The following MGAT4C variants were observed in gnomAD, a reference collection of about 807,000 sequenced individuals.
The protein encoded by MGAT4C is alpha-1,3-mannosyl-glycoprotein 4-beta-N-acetylglucosaminyltransferase C.
A neutral mutation model predicts 40.1 loss-of-function variants in MGAT4C; 19 were observed. The observed-to-expected ratio is 0.47, with a 90% CI of 0.33 to 0.70. The LOEUF is 0.70. Among genes scored for constraint, MGAT4C ranks in the 30% least tolerant of loss-of-function variants. The pLI is 0.02. For synonymous variants in MGAT4C, 181 were observed against 187.1 expected (o/e 0.97, Z 0.27); for missense variants, 491 against 563.2 (o/e 0.87, Z 1.30).
At chr12:86,207,654 G>A (rs904273273) in intron 1 of MGAT4C, among the ~76,000 whole-genome samples, 3 of 152,222 alleles carry the variant, frequency 2.0e-5, no homozygotes, top group African/African-American at 7.2e-5. Context: ...ATTCGATTAT[G>A]AGTACTATAA....
chr12:86,154,398 C>T (rs958280025), intron 1 of MGAT4C, among the ~76,000 whole-genome samples: 1 of 152,108 alleles, frequency 6.6e-6, no homozygotes, highest in African/African-American at 2.4e-5. Context: ...GAGTGGGCTG[C>T]CTTTCAGGGT....
intron 1 of MGAT4C, among the ~76,000 whole-genome samples, chr12:86,184,925 A>G (rs1196933015): frequency 6.6e-6 from 1 of 152,128 alleles, no homozygotes; most frequent in Non-Finnish European, 1.5e-5. Context: ...AGCCTACGTC[A>G]ACATAACAGA....
At position 86,788,905 on chromosome 12, in the gene MGAT4C, T is replaced by C. The variant is rs1708223504; in HGVS notation, c.-262+49761A>G. On this transcript the variant is annotated intron_variant, in intron 1 of 7. Coordinates refer to the MGAT4C transcript ENST00000548651. The stretch of plus-strand genomic sequence containing the variant: ...AAGTTTCTCATACTTTTGTAGCCAA[T>C]GTATAAAATCAACAATTTACATTGA... Among the ~76,000 whole-genome samples, 3 of 152,144 alleles carry C rather than the reference T, an allele frequency of 2.0e-5. No individual in the cohort carries two copies. The South Asian group carries it at 6.2e-4, about 31-fold the overall frequency.
intron 2 of MGAT4C, among the ~76,000 whole-genome samples, chr12:86,640,133 T>C (rs1963337179): frequency 6.6e-6 from 1 of 151,738 alleles, no homozygotes; most frequent in Non-Finnish European, 1.5e-5. Flanking sequence ...ACCCCATAAA[T>C]ATATCTAAGA....
intron 2 of MGAT4C, among the ~76,000 whole-genome samples, chr12:86,689,325 C>G (rs956274103): frequency 6.6e-6 from 1 of 152,138 alleles, no homozygotes; most frequent in Non-Finnish European, 1.5e-5. Flanking sequence ...TATTACCCAC[C>G]TTCTGAAGAC....
At chr12:86,360,028 A>G (rs1955423620) in intron 3 of MGAT4C, among the ~76,000 whole-genome samples, 1 of 152,130 alleles carries the variant, frequency 6.6e-6, no homozygotes. Context: ...ACACAACAAC[A>G]ACAAAAAAGA....
intron 2 of MGAT4C, among the ~76,000 whole-genome samples, chr12:86,651,891 A>G (rs1348407626): frequency 1.3e-5 from 2 of 151,864 alleles, no homozygotes; most frequent in Non-Finnish European, 2.9e-5. Context: ...ATTATTTTTA[A>G]TTAGAAACAA....
chr12:86,585,276 A>G (rs1280023692), intron 2 of MGAT4C, among the ~76,000 whole-genome samples: 1 of 151,444 alleles, frequency 6.6e-6, no homozygotes, highest in African/African-American at 2.4e-5. Flanking sequence ...ACTTATTTGT[A>G]GGACTGGAAA....
intron 4 of MGAT4C, among the ~76,000 whole-genome samples, chr12:86,278,932 C>A (rs1375482628): frequency 9.6e-6 from 1 of 104,164 alleles, no homozygotes; most frequent in South Asian, 3.6e-4. Flanking sequence ...TTGAAATTAT[C>A]ATATAGGTTT....
Position 85,975,642 on chromosome 12 carries a change from A to C in MGAT4C, c.*3647T>G, listed in dbSNP as rs555394846. On this transcript the variant is annotated 3_prime_UTR_variant, in exon 5 of 5. Transcript: ENST00000611864. ...AACACAAAGCTGAGGAGGCATAATAAGACGTGGAATGACAGAAGCAAGATC... is the reference window on the plus strand; with the variant it reads ...AACACAAAGCTGAGGAGGCATAATACGACGTGGAATGACAGAAGCAAGATC... 1 of 151,058 alleles carries C rather than the reference A, an allele frequency of 6.6e-6. No individual in the cohort carries two copies. The highest frequency in any genetic ancestry group is 1.9e-4 in the East Asian group (1 of 5,164). 9.4% of individuals were successfully genotyped at this position (151,058 alleles called of 1,614,324 possible). A position where few individuals can be genotyped will look rare whatever the true frequency, so the allele number is the denominator to read the frequency against.
intron 1 of MGAT4C, among the ~76,000 whole-genome samples, chr12:86,234,578 T>A (rs1951453735): frequency 6.6e-6 from 1 of 152,156 alleles, no homozygotes; most frequent in Non-Finnish European, 1.5e-5. Context: ...TGGTTTGCAC[T>A]GACAGTTCTT....
chr12:85,993,093 C>T (rs1383579763), intron 2 of MGAT4C, among the ~76,000 whole-genome samples: 1 of 152,188 alleles, frequency 6.6e-6, no homozygotes, highest in African/African-American at 2.4e-5. Context: ...TCCAGGTCCC[C>T]TTTTCAAATT....
At chr12:86,561,240 T>A (rs1396827638) in intron 2 of MGAT4C, among the ~76,000 whole-genome samples, 1 of 152,168 alleles carries the variant, frequency 6.6e-6, no homozygotes, top group African/African-American at 2.4e-5. Flanking sequence ...ATCCTATAAC[T>A]CATATGGAAC....
At chr12:86,704,100 T>G (rs550705029) in intron 2 of MGAT4C, among the ~76,000 whole-genome samples, 1 of 152,166 alleles carries the variant, frequency 6.6e-6, no homozygotes, top group Non-Finnish European at 1.5e-5. Context: ...GAGCTAATTA[T>G]AATTATATTT....
At chr12:86,482,675 T>C (rs962371089) in intron 2 of MGAT4C, among the ~76,000 whole-genome samples, 1 of 152,086 alleles carries the variant, frequency 6.6e-6, no homozygotes, top group Non-Finnish European at 1.5e-5. Context: ...GTTTTCAGCT[T>C]GTTAGAACAA....
chr12:86,180,417 A>G (rs1440075324), intron 1 of MGAT4C, among the ~76,000 whole-genome samples: 1 of 152,142 alleles, frequency 6.6e-6, no homozygotes. Flanking sequence ...AGATGCCACT[A>G]TCCTTCAGAC....
At position 86,652,362 on chromosome 12, in the gene MGAT4C, T is replaced by C. The variant is rs952780184; in HGVS notation, c.-229+74847A>G. Among the ~76,000 whole-genome samples, 5 of 151,850 alleles carry C rather than the reference T, an allele frequency of 3.3e-5. No individual in the cohort carries two copies. In the East Asian group the frequency reaches 9.7e-4, roughly 29 times the overall value. ...TCCCCTATGACGGAAATCCAAAATA[T>C]ATAATAAATGCATTTAGCTCATGAA... On this transcript the variant is annotated intron_variant, in intron 2 of 7. Transcript: ENST00000548651.
chr12:86,133,613 T>C (rs1881548126), intron 1 of MGAT4C, among the ~76,000 whole-genome samples: 2 of 152,172 alleles, frequency 1.3e-5, no homozygotes, highest in Non-Finnish European at 2.9e-5. Context: ...CCTACACTTA[T>C]TATAATGCAG....
chr12:85,973,696 TAC>T lies in MGAT4C; in HGVS notation c.*5591_*5592del, dbSNP rs528642056. The T allele has an allele frequency of 2.1e-3, 320 of 151,008 alleles. 2 individuals carry two copies. The highest frequency in any genetic ancestry group is 7.1e-3 in the African/African-American group (296 of 41,470). The allele number at this position is 151,008 out of a possible 1,614,324, so 9.4% of individuals were successfully genotyped here. A position where few individuals can be genotyped will look rare whatever the true frequency, so the allele number is the denominator to read the frequency against. ...ATTTAATTGTACTTCTATGGTCATA[TAC>T]AATTTACCTATCACTTTCTCACATA... is the stretch of plus-strand genomic sequence containing the variant. On this transcript the variant is annotated 3_prime_UTR_variant, in exon 5 of 5. Transcript: ENST00000611864.
Sources: gnomAD v4.1 joint callset for allele counts (sites outside exome capture counted in the v4.1 genomes callset) on GRCh38, gnomAD v4.1.1 for gene constraint, MANE v1.5 for transcripts, NCBI Gene and HGNC (gene_info 2026-07-23, HGNC 2026-07-21) for gene names.